KCNQ1: variants seen among roughly 807,000 people sequenced by gnomAD.
The protein encoded by KCNQ1 is potassium voltage-gated channel subfamily Q member 1, also known as potassium voltage-gated channel subfamily KQT member 1.
A neutral mutation model predicts 72.4 loss-of-function variants in KCNQ1; 49 were observed. The observed-to-expected ratio is 0.68, with a 90% CI of 0.54 to 0.86. The LOEUF is 0.86. Ranked by LOEUF, KCNQ1 falls within the 40% of genes least tolerant of loss-of-function variation. The pLI is 0.00. For missense variants in KCNQ1, 790 were observed against 945.1 expected (o/e 0.84, Z 2.15); for synonymous variants, 450 against 412.6 (o/e 1.09, Z -1.10).
Position 2,572,857 on chromosome 11 carries a change from C to G in KCNQ1, c.792C>G (p.Thr264=). 1 of 1,613,852 alleles carries G rather than the reference C, an allele frequency of 6.2e-7. No individual in the cohort carries two copies. Among genetic ancestry groups the G allele is most frequent in the South Asian group, 1.1e-5 (1 of 91,082 alleles). ...GTTTTCTGGCCTAGGAGCTGATAACCACCCTGTACATCGGCTTCCTGGGCC... is the reference window on the plus strand; with the variant it reads ...GTTTTCTGGCCTAGGAGCTGATAACGACCCTGTACATCGGCTTCCTGGGCC... The part of the protein sequence containing the change: ...VVFIHRQELI[T]TLYIGFLGLI... Residue 264 remains threonine, a synonymous_variant, in exon 6 of 16, where the codon ACC becomes ACG. Coordinates refer to ENST00000155840, the MANE Select transcript of KCNQ1 (RefSeq NM_000218.3).
Position 2,776,100 on chromosome 11 carries a change from C to T in KCNQ1, c.1685+46C>T, listed in dbSNP as rs757128324. The T allele has an allele frequency of 2.7e-6, 4 of 1,469,168 alleles. No individual in the cohort carries two copies. In the South Asian group the frequency reaches 4.9e-5, roughly 18 times the overall value. 91.0% of individuals were successfully genotyped at this position (1,469,168 alleles called of 1,614,324 possible). A position where few individuals can be genotyped will look rare whatever the true frequency, so the allele number is the denominator to read the frequency against. ...GCGGGGAGGGTGCCCAGGTCCTGCC[C>T]AGCCCGGCCCCAGCTGCATGATCAG... On this transcript the variant is annotated intron_variant, in intron 13 of 15. Transcript: ENST00000155840.
At chr11:2,811,780 A>T (rs911646150) in intron 15 of KCNQ1, among the ~76,000 whole-genome samples, 2 of 152,276 alleles carry the variant, frequency 1.3e-5, no homozygotes, top group East Asian at 3.9e-4. Flanking sequence ...GGTGGCTGGG[A>T]TGGGTGGAGA....
intron 11 of KCNQ1, chr11:2,696,878 G>A (rs886177316): frequency 2.5e-6 from 1 of 397,794 alleles, no homozygotes; most frequent in East Asian, 3.6e-5. Context: ...AAGAAATGTG[G>A]TTTGTTTTTG....
chr11:2,611,081 T>A lies in KCNQ1; in HGVS notation c.1393+22227T>A. 2 of 398,572 alleles carry A rather than the reference T, an allele frequency of 5.0e-6. No individual in the cohort carries two copies. Among genetic ancestry groups the A allele is most frequent in the Admixed American group, 4.4e-5 (1 of 22,732 alleles). 24.7% of individuals were successfully genotyped at this position (398,572 alleles called of 1,614,324 possible). A position where few individuals can be genotyped will look rare whatever the true frequency, so the allele number is the denominator to read the frequency against. On this transcript the variant is annotated intron_variant, in intron 10 of 15. Coordinates refer to ENST00000155840, the MANE Select transcript of KCNQ1 (RefSeq NM_000218.3). This position sits in a 1 kb window ranked among gnomAD's most constrained non-coding sequence, Gnocchi z 5.3. ...TTCAGGGCTGTGTTTTTAGCTGTTA[T>A]AAATTTTTATTTCTTTATGACTTCT...
chr11:2,776,417 TTCCCTG>T (rs535587476), intron 13 of KCNQ1, among the ~76,000 whole-genome samples: 275 of 152,254 alleles, frequency 1.8e-3, no homozygotes, highest in African/African-American at 6.3e-3. Context: ...CCCACCCGCC[TTCCCTG>T]TCACCTCTGA....
intron 14 of KCNQ1, 43 bp downstream of exon 14, chr11:2,777,075 T>G: frequency 1.3e-6 from 2 of 1,599,238 alleles, no homozygotes; most frequent in South Asian, 1.1e-5. Context: ...CAGCCTGCAA[T>G]GGACTCTCCC....
intron 15 of KCNQ1, among the ~76,000 whole-genome samples, chr11:2,836,158 T>G (rs1381212027): frequency 6.6e-6 from 1 of 152,080 alleles, no homozygotes; most frequent in Non-Finnish European, 1.5e-5. Flanking sequence ...AGCAGCCAAG[T>G]GTCACCAAGG....
At chr11:2,821,854 G>A (rs868654612) in intron 15 of KCNQ1, among the ~76,000 whole-genome samples, 1 of 152,212 alleles carries the variant, frequency 6.6e-6, no homozygotes, top group African/African-American at 2.4e-5. Context: ...CCCAGCAAGT[G>A]TGTGTGAGCT....
At chr11:2,597,505 C>T (rs1397697367) in intron 10 of KCNQ1, among the ~76,000 whole-genome samples, 1 of 152,204 alleles carries the variant, frequency 6.6e-6, no homozygotes, top group African/African-American at 2.4e-5. Context: ...TCACTCTCAT[C>T]ACTGATGCAG....
chr11:2,839,563 G>A (rs1012010601), intron 15 of KCNQ1, among the ~76,000 whole-genome samples: 1 of 152,182 alleles, frequency 6.6e-6, no homozygotes, highest in African/African-American at 2.4e-5. Flanking sequence ...ACGAGGTGAG[G>A]GCTGAGCCGA....
chr11:2,591,410 C>T (rs763123703), intron 10 of KCNQ1, among the ~76,000 whole-genome samples: 10 of 152,242 alleles, frequency 6.6e-5, no homozygotes, highest in South Asian at 2.1e-4. Flanking sequence ...TCTCAGTGAG[C>T]CCCCGGGACG....
chr11:2,644,235 T>C lies in KCNQ1; in HGVS notation c.1394-17726T>C, dbSNP rs1471167888. ...TTCTGGGACACTGAAGGTGTCACCT[T>C]ATGGCATCCTATAGTCACATAGCCT... On this transcript the variant is annotated intron_variant, in intron 10 of 15. Transcript: ENST00000155840. 28 of 398,382 alleles carry C rather than the reference T, an allele frequency of 7.0e-5. No individual in the cohort carries two copies. In the East Asian group the frequency reaches 1.0e-3, roughly 14 times the overall value. The allele number at this position is 398,382 out of a possible 1,614,324, so 24.7% of individuals were successfully genotyped here.
In KCNQ1 at chr11:2,612,299, C is replaced by T; in HGVS notation, c.1393+23445C>T. The T allele has an allele frequency of 2.5e-6, 1 of 398,622 alleles. No individual in the cohort carries two copies. Among genetic ancestry groups the T allele is most frequent in the African/African-American group, 2.1e-5 (1 of 48,740 alleles). The allele number at this position is 398,622 out of a possible 1,614,324, so 24.7% of individuals were successfully genotyped here. A position where few individuals can be genotyped will look rare whatever the true frequency, so the allele number is the denominator to read the frequency against. ...ATGTGAGGGATCTAGGTTGTGCACT[C>T]CGTATGAGAATCTAACTAAAGCCTC... On this transcript the variant is annotated intron_variant, in intron 10 of 15. Transcript: ENST00000155840. This position sits in a 1 kb window ranked among gnomAD's most constrained non-coding sequence, Gnocchi z 5.5.
In KCNQ1 at chr11:2,745,996, T is replaced by G. The variant is rs1846134009; in HGVS notation, c.1515-22848T>G. 6.6e-6 allele frequency among the ~76,000 whole-genome samples: 1 copy of G among 152,214 alleles called. No homozygotes were observed. On this transcript the variant is annotated intron_variant, in intron 11 of 15. Transcript: ENST00000155840. The surrounding 1 kb of genome is among the most constrained non-coding windows in gnomAD (Gnocchi z 6.2). ...ACTCCACCTCCCGGGTTCAAGCGAT[T>G]GTCTCACCTCAGCCTCCTGAGTAGC...
Position 2,767,562 on chromosome 11 carries a change from C to A in KCNQ1, c.1515-1282C>A, listed in dbSNP as rs1487501130. On this transcript the variant is annotated intron_variant, in intron 11 of 15. Transcript: ENST00000155840. This position sits in a 1 kb window ranked among gnomAD's most constrained non-coding sequence, Gnocchi z 4.6. ...TGTAGATGCTCGAGGGTATTATCTC[C>A]CTACAGATAATTTTATTTTCTTCTG... Among the ~76,000 whole-genome samples, 1 of 152,118 alleles carries A rather than the reference C, an allele frequency of 6.6e-6. No individual in the cohort carries two copies. The highest frequency in any genetic ancestry group is 2.4e-5 in the African/African-American group (1 of 41,404).
intron 15 of KCNQ1, among the ~76,000 whole-genome samples, chr11:2,822,836 C>T (rs140527395): frequency 1.3e-4 from 20 of 151,806 alleles, no homozygotes; most frequent in African/African-American, 3.4e-4. Context: ...AAATTCAGAA[C>T]GGTGGCATAG....
chr11:2,607,531 A>T (rs886163866), intron 10 of KCNQ1, among the ~76,000 whole-genome samples: 1 of 152,282 alleles, frequency 6.6e-6, no homozygotes, highest in African/African-American at 2.4e-5. Context: ...TTCTTCCGTC[A>T]TATGAGGACA....
chr11:2,654,645 C>T lies in KCNQ1; in HGVS notation c.1394-7316C>T, dbSNP rs770673606. The T allele has an allele frequency of 1.6e-4, 65 of 398,862 alleles. No homozygotes were observed. Among genetic ancestry groups the T allele is most frequent in the South Asian group, 3.8e-4 (3 of 7,856 alleles). 24.7% of individuals were successfully genotyped at this position (398,862 alleles called of 1,614,324 possible). ...AGGGCCCAGACACTGGCGAGAGTCT[C>T]TTGAGGGCAGAGGGCAGCAGAGATG... On this transcript the variant is annotated intron_variant, in intron 10 of 15. Transcript: ENST00000155840. The surrounding 1 kb of genome is among the most constrained non-coding windows in gnomAD (Gnocchi z 6.4).
At chr11:2,706,657 C>T (rs79449689) in intron 11 of KCNQ1, among the ~76,000 whole-genome samples, 1 of 152,358 alleles carries the variant, frequency 6.6e-6, no homozygotes, top group African/African-American at 2.4e-5. Flanking sequence ...AAAGTGGGCT[C>T]AGCCTACCTG....
Sources: gnomAD v4.1 joint callset for allele counts (sites outside exome capture counted in the v4.1 genomes callset) on GRCh38, gnomAD v4.1.1 for gene constraint, Gnocchi (gnomAD v3.1) non-coding constraint, MANE v1.5 for transcripts, NCBI Gene and HGNC (gene_info 2026-07-23, HGNC 2026-07-21) for gene names.